The following ZC3HAV1L variants were observed in gnomAD, a reference collection of about 807,000 sequenced individuals.
ZC3HAV1L encodes zinc finger CCCH-type antiviral protein 1-like.
ZC3HAV1L carries 23 observed loss-of-function variants against 28.2 expected under a neutral mutation model. That is an observed-to-expected ratio of 0.82 (90% CI 0.59 to 1.16). The LOEUF is 1.16. Ranked by LOEUF, ZC3HAV1L falls within the 50% of genes most tolerant of loss-of-function variation. ZC3HAV1L has a pLI of 0.00. For missense variants in ZC3HAV1L, 376 were observed against 387.7 expected (o/e 0.97, Z 0.25); for synonymous variants, 180 against 163.4 (o/e 1.10, Z -0.78).
In ZC3HAV1L at chr7:139,035,206, A is replaced by G. The variant is rs550275873; in HGVS notation, c.365+447T>C. ...AGACTGGCTCAGCGCTGTTAAACCT[A>G]GAGGGCGCAGACCCGCTTCTGCACA... On this transcript the variant is annotated intron_variant, in intron 1 of 4. Coordinates refer to ENST00000275766, the MANE Select transcript of ZC3HAV1L (RefSeq NM_080660.4). 2.1e-3 allele frequency: 2,029 copies of G among 985,416 alleles called. 37 individuals carry two copies. In the African/African-American group the frequency reaches 0.033, roughly 16 times the overall value. The allele number at this position is 985,416 out of a possible 1,614,324, so 61.0% of individuals were successfully genotyped here.
rs1327591953 is a variant in ZC3HAV1L, at chr7:139,035,715, G to A, written c.303C>T (p.Ala101=). 1.3e-6 allele frequency: 2 copies of A among 1,487,260 alleles called. No homozygotes were observed. Among genetic ancestry groups the A allele is most frequent in the Admixed American group, 2.3e-5 (1 of 43,692 alleles). 92.1% of individuals were successfully genotyped at this position (1,487,260 alleles called of 1,614,324 possible). The part of the protein sequence containing the change: ...CARYQRGECQ[A]CDQLHFCRRH... Reference sequence around the variant, plus strand: ...GGCGGCAGAAGTGCAGCTGGTCGCAGGCCTGGCACTCGCCGCGCTGGTAGC... The same window carrying A: ...GGCGGCAGAAGTGCAGCTGGTCGCAAGCCTGGCACTCGCCGCGCTGGTAGC... Residue 101 remains alanine, a synonymous_variant, in exon 1 of 5, where the codon GCC becomes GCT. Coordinates refer to ENST00000275766, the MANE Select transcript of ZC3HAV1L (RefSeq NM_080660.4).
At chr7:139,030,947 T>A (rs1452795609) in intron 2 of ZC3HAV1L, among the ~76,000 whole-genome samples, 1 of 152,144 alleles carries the variant, frequency 6.6e-6, no homozygotes. Flanking sequence ...CAGTCAAATC[T>A]AAAATATGGG....
At chr7:139,034,811 T>G (rs1229694629) in intron 1 of ZC3HAV1L, 133 bp from the exon 2 acceptor site, 1 of 1,439,066 alleles carries the variant, frequency 6.9e-7, no homozygotes, top group Non-Finnish European at 9.1e-7. Flanking sequence ...GGGGATAGTA[T>G]GGCCTAATAA....
intron 3 of ZC3HAV1L, 150 bp from the exon 4 acceptor site, chr7:139,026,983 T>A (rs1309638122): frequency 4.5e-6 from 4 of 891,200 alleles, no homozygotes; most frequent in African/African-American, 1.7e-5. Context: ...AAATTGTATG[T>A]GTGTGTGTAT....
chr7:139,033,106 G>A (rs1411996800), intron 2 of ZC3HAV1L, among the ~76,000 whole-genome samples: 1 of 151,966 alleles, frequency 6.6e-6, no homozygotes, highest in Non-Finnish European at 1.5e-5. Context: ...CTATTCAGGA[G>A]ACTGAGGTGG....
chr7:139,034,286 G>A, intron 2 of ZC3HAV1L: 1 of 813,950 alleles, frequency 1.2e-6, no homozygotes, highest in Non-Finnish European at 1.5e-6. Context: ...GCTTTTAATT[G>A]GTGGTCTTAA....
chr7:139,036,041 G>C lies in ZC3HAV1L; in HGVS notation c.-24C>G. 6.8e-7 allele frequency: 1 copy of C among 1,471,970 alleles called. No homozygotes were observed. Among genetic ancestry groups the C allele is most frequent in the Non-Finnish European group, 8.9e-7 (1 of 1,120,538 alleles). 91.2% of individuals were successfully genotyped at this position (1,471,970 alleles called of 1,614,324 possible). ...ATGGTCGCTGGCGCGGGCCCTGTGCGCGCGGCGCAGCGAGCCGGGGCGGGC... is the reference window on the plus strand; with the variant it reads ...ATGGTCGCTGGCGCGGGCCCTGTGCCCGCGGCGCAGCGAGCCGGGGCGGGC... On this transcript the variant is annotated 5_prime_UTR_variant, in exon 1 of 5. Transcript: ENST00000275766.
At chr7:139,030,984 G>C (rs928123001) in intron 2 of ZC3HAV1L, among the ~76,000 whole-genome samples, 6 of 152,050 alleles carry the variant, frequency 3.9e-5, no homozygotes, top group African/African-American at 1.2e-4. Flanking sequence ...AGATGACCTG[G>C]TTTAAAATGA....
At chr7:139,022,676 GAATA>G (rs1439953753), downstream of ZC3HAV1L, among the ~76,000 whole-genome samples, 1 of 152,132 alleles carries the variant, frequency 6.6e-6, no homozygotes, top group African/African-American at 2.4e-5. Context: ...CAATTACCAA[GAATA>G]AATAATGTTT....
At chr7:139,025,589 A>G (rs1456108165), downstream of ZC3HAV1L, 1 of 152,194 alleles carries the variant, frequency 6.6e-6, no homozygotes, top group Non-Finnish European at 1.5e-5. Context: ...AGGTCCTTTC[A>G]TGAAAATTTG....
Position 139,030,492 on chromosome 7 carries a change from G to A in ZC3HAV1L, c.502-1532C>T, listed in dbSNP as rs894355181. On this transcript the variant is annotated intron_variant, in intron 2 of 4. Transcript: ENST00000275766. ...GGAGGTTGCAGTGAGCTGAGATTGC[G>A]CCACTGCACTCCAGCCTGGGCGACA... Among the ~76,000 whole-genome samples the A allele has an allele frequency of 3.5e-4, 53 of 151,680 alleles. 1 individual carries two copies. Among genetic ancestry groups the A allele is most frequent in the Admixed American group, 2.9e-3 (44 of 15,222 alleles).
At chr7:139,022,325 CT>C, downstream of ZC3HAV1L, 1 of 339,438 alleles carries the variant, frequency 2.9e-6, no homozygotes, top group Non-Finnish European at 6.1e-6. Flanking sequence ...GGGAGGACTG[CT>C]TGAGCTTAGG....
intron 2 of ZC3HAV1L, chr7:139,034,062 A>G: frequency 1.0e-6 from 1 of 985,466 alleles, no homozygotes; most frequent in Non-Finnish European, 1.2e-6. Context: ...TGCTGCCTTG[A>G]GAGCAGCCTC....
intron 3 of ZC3HAV1L, among the ~76,000 whole-genome samples, chr7:139,027,206 A>T (rs545515731): frequency 6.6e-6 from 1 of 152,300 alleles, no homozygotes; most frequent in East Asian, 1.9e-4. Flanking sequence ...ATCCCAACAC[A>T]TGAAAACTCG....
chr7:139,030,836 AATTAATTAAT>A (rs1563115019), intron 2 of ZC3HAV1L, among the ~76,000 whole-genome samples: 61 of 150,562 alleles, frequency 4.1e-4, no homozygotes, highest in Non-Finnish European at 6.9e-4. Context: ...AATAATAATT[AATTAATTAAT>A]TAATTAATTA....
chr7:139,034,196 C>T, intron 2 of ZC3HAV1L: 2 of 984,212 alleles, frequency 2.0e-6, no homozygotes, highest in South Asian at 4.7e-5. Flanking sequence ...GTTTTCTCAA[C>T]ATCTCCCCTT....
intron 2 of ZC3HAV1L, among the ~76,000 whole-genome samples, chr7:139,031,434 G>T (rs983718916): frequency 1.6e-4 from 25 of 152,136 alleles, no homozygotes; most frequent in African/African-American, 6.0e-4. Context: ...AAAACACAAC[G>T]AATTAACTAG....
At chr7:139,028,101 C>T (rs1369372588) in intron 3 of ZC3HAV1L, among the ~76,000 whole-genome samples, 5 of 152,034 alleles carry the variant, frequency 3.3e-5, no homozygotes, top group South Asian at 4.1e-4. Context: ...CTAGGCCGGG[C>T]GTGTGGCTCA....
At chr7:139,023,173 A>G (rs962818391), downstream of ZC3HAV1L, among the ~76,000 whole-genome samples, 2 of 143,948 alleles carry the variant, frequency 1.4e-5, no homozygotes, top group African/African-American at 5.3e-5. Context: ...TCCATCTCAA[A>G]GGAAAAAAGA....
Sources: allele counts gnomAD v4.1 joint callset (sites outside exome capture counted in the v4.1 genomes callset), GRCh38; gene constraint gnomAD v4.1.1; transcripts MANE v1.5; gene names NCBI Gene and HGNC (gene_info 2026-07-23, HGNC 2026-07-21).